Variants in MICAL3 observed in about 807,000 individuals in gnomAD.
MICAL3 encodes the protein [F-actin]-monooxygenase MICAL3.
MICAL3 carries 62 observed loss-of-function variants against 207.4 expected under a neutral mutation model. The ratio of observed to expected loss-of-function variants is 0.30; its 90% CI spans 0.24 to 0.37. The LOEUF is 0.37. MICAL3 is among the 10% of genes least tolerant of loss of function. MICAL3 has a pLI of 1.00. For synonymous variants in MICAL3, 1,077 were observed against 1,069.3 expected (o/e 1.01, Z -0.14); for missense variants, 2,368 against 2,635.6 (o/e 0.90, Z 2.22).
rs1440634739 is a variant in MICAL3, at chr22:17,933,136, A to G, written c.-74-26250T>C. On this transcript the variant is annotated intron_variant, in intron 1 of 31. Coordinates refer to ENST00000441493, the MANE Select transcript of MICAL3 (RefSeq NM_015241.3). ...CCAAGCAGACCTAATAGACATCTAC[A>G]GAACTCTCCACCCCAAATCAACAGA... Among the ~76,000 whole-genome samples the G allele has an allele frequency of 2.6e-5, 4 of 152,218 alleles. No individual in the cohort carries two copies. In the East Asian group the frequency reaches 7.7e-4, roughly 29 times the overall value.
rs1255954163 is a variant in MICAL3, at chr22:17,877,543, A to AGGTG, written c.2242-5524_2242-5521dup. Among the ~76,000 whole-genome samples, 5 of 144,240 alleles carry AGGTG rather than the reference A, an allele frequency of 3.5e-5. No homozygotes were observed. The East Asian group carries it at 8.1e-4, about 23-fold the overall frequency. 94.6% of individuals were successfully genotyped at this position (144,240 alleles called of 152,430 possible). A position where few individuals can be genotyped will look rare whatever the true frequency, so the allele number is the denominator to read the frequency against. ...GTTAGGGAGGTGAGGGAGGTTATGG[A>AGGTG]GGTGAGGGAGGTTATGGAGGTTAGG... On this transcript the variant is annotated intron_variant, in intron 16 of 31. Transcript: ENST00000441493.
At chr22:17,983,170 G>C (rs1285292937) in intron 1 of MICAL3, 2 of 152,174 alleles carry the variant, frequency 1.3e-5, no homozygotes, top group Non-Finnish European at 2.9e-5. Flanking sequence ...TGGGATTACA[G>C]CTGTGACCCA....
chr22:17,944,960 C>T (rs1463678253), intron 1 of MICAL3, among the ~76,000 whole-genome samples: 1 of 151,242 alleles, frequency 6.6e-6, no homozygotes, highest in African/African-American at 2.4e-5. Flanking sequence ...AATAAATATA[C>T]TATCAAATGC....
chr22:17,943,164 CCTT>C (rs1363173683), intron 1 of MICAL3, among the ~76,000 whole-genome samples: 8 of 152,260 alleles, frequency 5.3e-5, no homozygotes, highest in Middle Eastern at 6.8e-3. Context: ...TTGTATCTAT[CCTT>C]CTTTTTTTTC....
intron 1 of MICAL3, among the ~76,000 whole-genome samples, chr22:17,919,331 C>T (rs948476540): frequency 6.6e-6 from 1 of 152,190 alleles, no homozygotes; most frequent in Non-Finnish European, 1.5e-5. Context: ...ACTGGGATTA[C>T]AGGTGTGAGC....
intron 16 of MICAL3, chr22:17,875,510 C>T (rs1488786726): frequency 2.6e-6 from 4 of 1,556,678 alleles, no homozygotes; most frequent in Non-Finnish European, 3.5e-6. Context: ...TAAGAGAAAG[C>T]TCCCACTGGT....
At chr22:17,799,949 A>AACACACACAC (rs3078144) in intron 29 of MICAL3, among the ~76,000 whole-genome samples, 22 of 146,826 alleles carry the variant, frequency 1.5e-4, no homozygotes, top group South Asian at 1.3e-3. Flanking sequence ...CTCACTCTAA[A>AACACACACAC]ACACACACAC....
chr22:17,834,948 G>C (rs1923205711), intron 20 of MICAL3, among the ~76,000 whole-genome samples: 1 of 152,240 alleles, frequency 6.6e-6, no homozygotes, highest in Admixed American at 6.5e-5. Context: ...CTCTTTCCCA[G>C]CTGAGCAGCC....
intron 1 of MICAL3, among the ~76,000 whole-genome samples, chr22:17,953,930 CAAAAAAAAAAAAAAAAAAAAAAAAA>C (rs59740388): frequency 2.3e-5 from 2 of 86,536 alleles, no homozygotes; most frequent in Non-Finnish European, 4.6e-5. Flanking sequence ...GACTCCATCT[CAAAAAAAAAAAAAAAAAAAAAAAAA>C]AAAAAAAAAA....
intron 19 of MICAL3, chr22:17,863,916 G>T: frequency 2.0e-6 from 2 of 985,432 alleles, no homozygotes; most frequent in South Asian, 9.4e-5. Flanking sequence ...GTATATAGCT[G>T]CTTGAGATAC....
chr22:17,868,838 C>G lies in MICAL3; in HGVS notation c.2429-2826G>C, dbSNP rs1927424181. Among the ~76,000 whole-genome samples the G allele has an allele frequency of 2.0e-5, 3 of 151,814 alleles. No individual in the cohort carries two copies. In the South Asian group the frequency reaches 6.3e-4, roughly 32 times the overall value. ...TGAACACCGAGAGCCCCCAGGCAAG[C>G]AGACAGACTGGTTCTCCACTGAGTG... On this transcript the variant is annotated intron_variant, in intron 17 of 31. Transcript: ENST00000441493.
intron 1 of MICAL3, among the ~76,000 whole-genome samples, chr22:17,951,714 TG>T (rs576340375): frequency 0.038 from 5,696 of 151,742 alleles, 170 homozygotes; most frequent in Non-Finnish European, 0.063. Context: ...TTTTTTTTTT[TG>T]AGACAGGGTC....
intron 23 of MICAL3, among the ~76,000 whole-genome samples, chr22:17,822,698 T>G (rs1359432238): frequency 6.6e-6 from 1 of 152,124 alleles, no homozygotes; most frequent in Non-Finnish European, 1.5e-5. Flanking sequence ...TCAGCAGAAT[T>G]AAAGGCCTTG....
chr22:17,822,915 CCA>C, intron 23 of MICAL3, 30 bp downstream of exon 23: 1 of 1,447,084 alleles, frequency 6.9e-7, no homozygotes, highest in South Asian at 1.2e-5. Context: ...CCCTGAGCTC[CCA>C]CCACAGGGGC....
At chr22:17,826,593 T>TA (rs35792059) in intron 22 of MICAL3, 235,114 of 749,020 alleles carry the variant, frequency 0.31, 39,561 homozygotes, top group Non-Finnish European at 0.32. Context: ...AGGTCATCCT[T>TA]AAAATCCCAA....
intron 1 of MICAL3, among the ~76,000 whole-genome samples, chr22:18,012,053 G>T (rs920362814): frequency 6.6e-6 from 1 of 151,986 alleles, no homozygotes; most frequent in Non-Finnish European, 1.5e-5. Context: ...TGGGCAACAG[G>T]GTGAAACCCC....
chr22:17,805,370 A>G (rs2061979433), intron 29 of MICAL3, among the ~76,000 whole-genome samples: 3 of 152,238 alleles, frequency 2.0e-5, no homozygotes, highest in Non-Finnish European at 4.4e-5. Flanking sequence ...GTGATGGGAG[A>G]CCAGCTTGGA....
intron 16 of MICAL3, among the ~76,000 whole-genome samples, chr22:17,881,553 T>C (rs1569113381): frequency 6.9e-6 from 1 of 145,026 alleles, no homozygotes; most frequent in Non-Finnish European, 1.5e-5. Flanking sequence ...ACTTTCCAGG[T>C]GCCAGGGAGC....
intron 1 of MICAL3, among the ~76,000 whole-genome samples, chr22:17,926,861 C>A (rs530116494): frequency 2.0e-5 from 3 of 152,170 alleles, no homozygotes; most frequent in Non-Finnish European, 4.4e-5. Context: ...CTACCTGGAC[C>A]CTTGCAATAG....
Sources: allele counts gnomAD v4.1 joint callset (sites outside exome capture counted in the v4.1 genomes callset), GRCh38; gene constraint gnomAD v4.1.1; transcripts MANE v1.5; gene names NCBI Gene and HGNC (gene_info 2026-07-23, HGNC 2026-07-21).